MACROD2: variants seen among roughly 807,000 people sequenced by gnomAD.
MACROD2 encodes ADP-ribose glycohydrolase MACROD2.
In MACROD2, 36 loss-of-function variants were observed where a neutral mutation model predicts 70.4. The ratio of observed to expected loss-of-function variants is 0.51; its 90% CI spans 0.39 to 0.68. MACROD2 has a LOEUF of 0.68. Ranked by LOEUF, MACROD2 falls within the 30% of genes least tolerant of loss-of-function variation. The pLI is 0.00. For synonymous variants in MACROD2, 172 were observed against 178.8 expected (o/e 0.96, Z 0.30); for missense variants, 496 against 538.4 (o/e 0.92, Z 0.78).
chr20:15,574,385 C>T (rs1033350149), intron 8 of MACROD2, among the ~76,000 whole-genome samples: 3 of 152,110 alleles, frequency 2.0e-5, no homozygotes, highest in Non-Finnish European at 2.9e-5. Flanking sequence ...TTCTTCCTCT[C>T]ATCTTATAAG....
intron 2 of MACROD2, among the ~76,000 whole-genome samples, chr20:14,049,334 G>A (rs902630261): frequency 3.9e-5 from 6 of 152,048 alleles, no homozygotes; most frequent in Non-Finnish European, 8.8e-5. Context: ...GCAACTGAAA[G>A]TGAAAAGCTC....
At chr20:15,806,684 T>G (rs1425433969) in intron 8 of MACROD2, among the ~76,000 whole-genome samples, 1 of 152,182 alleles carries the variant, frequency 6.6e-6, no homozygotes, top group Non-Finnish European at 1.5e-5. Flanking sequence ...TAATTTTGCT[T>G]TTCAGCTTAT....
intron 8 of MACROD2, among the ~76,000 whole-genome samples, chr20:15,823,779 G>C (rs1448358566): frequency 2.0e-5 from 3 of 152,114 alleles, no homozygotes; most frequent in Non-Finnish European, 4.4e-5. Flanking sequence ...AAATGTCCTC[G>C]TGTCAGACGG....
intron 5 of MACROD2, among the ~76,000 whole-genome samples, chr20:15,099,990 C>A (rs1252012042): frequency 1.3e-5 from 2 of 151,982 alleles, no homozygotes; most frequent in Non-Finnish European, 2.9e-5. Flanking sequence ...GGAAAGTAAC[C>A]CTTGTTATAA....
At chr20:14,261,865 G>C (rs964154716) in intron 3 of MACROD2, among the ~76,000 whole-genome samples, 3 of 146,658 alleles carry the variant, frequency 2.0e-5, no homozygotes, top group African/African-American at 7.3e-5. Flanking sequence ...TTTTGTGGGA[G>C]TCTTGGAGAA....
chr20:15,294,029 G>A (rs941447779), intron 6 of MACROD2, among the ~76,000 whole-genome samples: 1 of 151,142 alleles, frequency 6.6e-6, no homozygotes, highest in Non-Finnish European at 1.5e-5. Flanking sequence ...GCTGAGGCAG[G>A]AGAATTGCTT....
At chr20:15,429,956 T>C (rs1018570540) in intron 6 of MACROD2, among the ~76,000 whole-genome samples, 4 of 152,036 alleles carry the variant, frequency 2.6e-5, no homozygotes, top group Non-Finnish European at 5.9e-5. Flanking sequence ...CTTCAATGAA[T>C]TATTCTACTC....
intron 2 of MACROD2, among the ~76,000 whole-genome samples, chr20:14,011,567 C>T (rs2052907504): frequency 6.6e-6 from 1 of 150,838 alleles, no homozygotes; most frequent in African/African-American, 2.4e-5. Flanking sequence ...TTGCTTCTGT[C>T]ACCCAGGCTG....
intron 4 of MACROD2, among the ~76,000 whole-genome samples, chr20:14,630,743 A>C (rs1013452844): frequency 5.9e-5 from 9 of 152,192 alleles, no homozygotes; most frequent in African/African-American, 2.2e-4. Context: ...ATTTAAATTA[A>C]AAAAATATAG....
intron 8 of MACROD2, among the ~76,000 whole-genome samples, chr20:15,746,688 A>G (rs1243761672): frequency 6.6e-6 from 1 of 151,876 alleles, no homozygotes; most frequent in African/African-American, 2.4e-5. Flanking sequence ...CCTTCTCTTC[A>G]TAGTCTGCTG....
At chr20:15,413,448 T>C (rs2046105663) in intron 6 of MACROD2, among the ~76,000 whole-genome samples, 3 of 152,198 alleles carry the variant, frequency 2.0e-5, no homozygotes, top group African/African-American at 7.2e-5. Flanking sequence ...TTGTGTCTCA[T>C]TAAGGATGAC....
intron 8 of MACROD2, among the ~76,000 whole-genome samples, chr20:15,718,567 G>C (rs573883671): frequency 1.3e-5 from 2 of 152,294 alleles, no homozygotes; most frequent in South Asian, 2.1e-4. Context: ...TGGATAAGCA[G>C]TGTAGGGTGG....
chr20:15,806,654 A>G (rs1456092030), intron 8 of MACROD2, among the ~76,000 whole-genome samples: 4 of 152,128 alleles, frequency 2.6e-5, no homozygotes. Flanking sequence ...TCAGACAATT[A>G]CCAATATATT....
intron 5 of MACROD2, among the ~76,000 whole-genome samples, chr20:14,886,126 G>T (rs1399303702): frequency 6.6e-6 from 1 of 152,186 alleles, no homozygotes; most frequent in African/African-American, 2.4e-5. Flanking sequence ...GGGTGGGGAT[G>T]TTGCAGTTTT....
chr20:14,288,869 AG>A (rs1306646723), intron 3 of MACROD2, among the ~76,000 whole-genome samples: 1 of 152,222 alleles, frequency 6.6e-6, no homozygotes, highest in Non-Finnish European at 1.5e-5. Context: ...ATGTAGTGAT[AG>A]TTCTGAGTAA....
chr20:14,566,795 CA>C (rs945528809), intron 4 of MACROD2: 1 of 151,950 alleles, frequency 6.6e-6, no homozygotes, highest in African/African-American at 2.4e-5. Context: ...GGCTATTTTC[CA>C]GGGAACCCAA....
Position 14,548,899 on chromosome 20 carries a change from G to A in MACROD2, c.301+55391G>A, listed in dbSNP as rs190997054. Reference sequence around the variant, plus strand: ...AGCAAATTAACCTGGAGCAACTGGGGTTGTTTCTACTGGGGAACTCTGCAC... The same window carrying A: ...AGCAAATTAACCTGGAGCAACTGGGATTGTTTCTACTGGGGAACTCTGCAC... On this transcript the variant is annotated intron_variant, in intron 4 of 17. Transcript: ENST00000684519. 1.5e-3 allele frequency among the ~76,000 whole-genome samples: 224 copies of A among 152,224 alleles called. No individual in the cohort carries two copies. In the Middle Eastern group the frequency reaches 0.017, roughly 12 times the overall value.
chr20:15,472,672 C>T (rs1600461887), intron 7 of MACROD2, among the ~76,000 whole-genome samples: 1 of 152,100 alleles, frequency 6.6e-6, no homozygotes, highest in Non-Finnish European at 1.5e-5. Flanking sequence ...CCCACCTTTT[C>T]CCCTCTTGCT....
At chr20:15,771,074 C>G (rs1364318468) in intron 8 of MACROD2, among the ~76,000 whole-genome samples, 2 of 152,146 alleles carry the variant, frequency 1.3e-5, no homozygotes, top group Non-Finnish European at 2.9e-5. Flanking sequence ...CACTGAAATG[C>G]CTTCAGAAAC....
Sources: allele counts gnomAD v4.1 joint callset (sites outside exome capture counted in the v4.1 genomes callset), GRCh38; gene constraint gnomAD v4.1.1; transcripts MANE v1.5; gene names NCBI Gene and HGNC (gene_info 2026-07-23, HGNC 2026-07-21).